Variants in DPYD observed in about 807,000 individuals in gnomAD.
DPYD encodes dihydropyrimidine dehydrogenase [NADP(+)].
In DPYD, 109 loss-of-function variants were observed where a neutral mutation model predicts 116.2. That is an observed-to-expected ratio of 0.94 (90% CI 0.80 to 1.10). The LOEUF (loss-of-function observed/expected upper bound fraction) is 1.10, where lower values mean the gene tolerates loss of function less well. Among genes scored for constraint, DPYD ranks in the 50% least tolerant of loss-of-function variants. DPYD has a pLI of 0.00. For missense variants in DPYD, 1,302 were observed against 1,254.5 expected, an observed-to-expected ratio of 1.04 and a Z score of -0.57; for synonymous variants, 440 against 432.0, an observed-to-expected ratio of 1.02 and a Z score of -0.23.
intron 14 of DPYD, among the ~76,000 whole-genome samples, chr1:97,393,939 C>T (rs900907615): frequency 6.6e-5 from 10 of 152,118 alleles, no homozygotes; most frequent in Non-Finnish European, 1.2e-4. Context: ...TTCTCCATAT[C>T]CTCTCCAGCA....
intron 12 of DPYD, chr1:97,546,422 C>T: frequency 6.3e-7 from 1 of 1,577,064 alleles, no homozygotes; most frequent in Middle Eastern, 1.7e-4. Context: ...GAAGAAGAAA[C>T]CAATAGAGAT....
At chr1:97,424,415 CAT>C (rs1674751869) in intron 14 of DPYD, among the ~76,000 whole-genome samples, 1 of 151,674 alleles carries the variant, frequency 6.6e-6, no homozygotes, top group Non-Finnish European at 1.5e-5. Context: ...GGAAAGGAAA[CAT>C]AGACACACTG....
chr1:97,679,330 G>A, intron 7 of DPYD, 148 bp from the exon 8 acceptor site: 1 of 537,554 alleles, frequency 1.9e-6, no homozygotes, highest in Non-Finnish European at 3.4e-6. Flanking sequence ...TTAGTATATA[G>A]GTTTACATAC....
intron 12 of DPYD, among the ~76,000 whole-genome samples, chr1:97,537,687 C>T (rs1365994911): frequency 6.6e-6 from 1 of 151,966 alleles, no homozygotes; most frequent in Non-Finnish European, 1.5e-5. Context: ...AAGTATTTTT[C>T]AAGTGAAAGA....
intron 1 of DPYD, among the ~76,000 whole-genome samples, chr1:97,893,739 T>C (rs1347085748): frequency 2.0e-5 from 3 of 151,700 alleles, no homozygotes; most frequent in East Asian, 1.9e-4. Flanking sequence ...ATGTCTATTA[T>C]GTCACTCTCA....
intron 16 of DPYD, among the ~76,000 whole-genome samples, chr1:97,311,665 T>C (rs1667527832): frequency 6.6e-6 from 1 of 151,788 alleles, no homozygotes; most frequent in Non-Finnish European, 1.5e-5. Context: ...ATAGTAGCAC[T>C]GTTTGAAATA....
intron 20 of DPYD, among the ~76,000 whole-genome samples, chr1:97,190,373 C>A (rs1658269275): frequency 6.6e-6 from 1 of 151,980 alleles, no homozygotes; most frequent in African/African-American, 2.4e-5. Flanking sequence ...TTTTTGGATC[C>A]CTCCATGAGA....
intron 3 of DPYD, among the ~76,000 whole-genome samples, chr1:97,819,411 C>A (rs186360480): frequency 2.4e-4 from 36 of 152,006 alleles, no homozygotes; most frequent in East Asian, 1.2e-3. Flanking sequence ...TACCCTTATA[C>A]ATGGGCATTT....
At chr1:97,284,146 T>C (rs1446211112) in intron 18 of DPYD, among the ~76,000 whole-genome samples, 3 of 152,168 alleles carry the variant, frequency 2.0e-5, no homozygotes, top group Admixed American at 6.5e-5. Context: ...TCTAGAATGA[T>C]ACGTCACTTC....
intron 11 of DPYD, among the ~76,000 whole-genome samples, chr1:97,568,418 A>G (rs1570974879): frequency 6.6e-6 from 1 of 152,098 alleles, no homozygotes; most frequent in Non-Finnish European, 1.5e-5. Context: ...TTTCTTCTAA[A>G]TAACTCTAGG....
chr1:97,254,843 A>C (rs989713648), intron 18 of DPYD, among the ~76,000 whole-genome samples: 1 of 152,204 alleles, frequency 6.6e-6, no homozygotes, highest in Admixed American at 6.5e-5. Flanking sequence ...CAAGAAGAAA[A>C]GATCTCACTT....
At chr1:97,245,046 C>G (rs576081373) in intron 18 of DPYD, among the ~76,000 whole-genome samples, 5 of 152,072 alleles carry the variant, frequency 3.3e-5, no homozygotes, top group African/African-American at 1.2e-4. Context: ...AAGCCAGTGG[C>G]AATATTATTT....
chr1:97,853,791 A>G (rs2101573011), intron 2 of DPYD, among the ~76,000 whole-genome samples: 1 of 152,248 alleles, frequency 6.6e-6, no homozygotes, highest in Middle Eastern at 3.4e-3. Context: ...GTTAACATAA[A>G]TAGTGTTCTC....
chr1:97,911,264 G>A (rs566361957), intron 1 of DPYD, among the ~76,000 whole-genome samples: 1 of 152,052 alleles, frequency 6.6e-6, no homozygotes, highest in South Asian at 2.1e-4. Context: ...AAGCATAAAG[G>A]ATGCTTAAGT....
At position 97,096,515 on chromosome 1, in the gene DPYD, C is replaced by T. The variant is rs184881097; in HGVS notation, c.2766+1974G>A. On this transcript the variant is annotated intron_variant, in intron 21 of 22. Coordinates refer to ENST00000370192, the MANE Select transcript of DPYD (RefSeq NM_000110.4). ...GTGAAGCCAGCTGGACTTCCTGGGT[C>T]CAGTGGGACTTGGAGAACTTTTCTT... Among the ~76,000 whole-genome samples the T allele has an allele frequency of 3.3e-5, 5 of 152,168 alleles. No homozygotes were observed. The East Asian group carries it at 9.7e-4, about 29-fold the overall frequency.
intron 16 of DPYD, among the ~76,000 whole-genome samples, chr1:97,315,445 C>T (rs1372027472): frequency 6.6e-6 from 1 of 151,918 alleles, no homozygotes; most frequent in Non-Finnish European, 1.5e-5. Context: ...GGTCCAATGG[C>T]TCCCCTTTTC....
intron 13 of DPYD, among the ~76,000 whole-genome samples, chr1:97,487,498 C>A (rs1030923385): frequency 6.6e-6 from 1 of 151,970 alleles, no homozygotes; most frequent in Non-Finnish European, 1.5e-5. Context: ...ACGGTGAAAC[C>A]CCATCTCTAC....
intron 16 of DPYD, among the ~76,000 whole-genome samples, chr1:97,365,406 C>A (rs1363819103): frequency 6.6e-6 from 1 of 152,198 alleles, no homozygotes; most frequent in East Asian, 1.9e-4. Flanking sequence ...TGAACTAAGA[C>A]CATAGCCTCT....
rs550443673 is a variant in DPYD, at chr1:97,644,404, C to A, written c.850+34691G>T. ...TGAGTATATACATCAGATGGTAATA[C>A]ATTATAAAGTGAATTTTCCATTTTT... On this transcript the variant is annotated intron_variant, in intron 8 of 22. Coordinates refer to ENST00000370192, the MANE Select transcript of DPYD (RefSeq NM_000110.4). Among the ~76,000 whole-genome samples, 607 of 151,994 alleles carry A rather than the reference C, an allele frequency of 4.0e-3. 4 individuals are homozygous for A. The highest frequency in any genetic ancestry group is 6.2e-3 in the Non-Finnish European group (422 of 67,940).
Sources: gnomAD v4.1 joint callset for allele counts (sites outside exome capture counted in the v4.1 genomes callset) on GRCh38, gnomAD v4.1.1 for gene constraint, MANE v1.5 for transcripts, NCBI Gene and HGNC (gene_info 2026-07-23, HGNC 2026-07-21) for gene names.